PTPRH: variants seen among roughly 807,000 people sequenced by gnomAD.
PTPRH encodes the protein receptor-type tyrosine-protein phosphatase H.
Under a neutral mutation model 130.2 loss-of-function variants are expected in PTPRH, and 113 were observed. The ratio of observed to expected loss-of-function variants is 0.87; its 90% confidence interval spans 0.75 to 1.01. PTPRH has a LOEUF of 1.01. Among genes scored for constraint, PTPRH ranks in the 50% least tolerant of loss-of-function variants. The probability of loss-of-function intolerance (pLI) is 0.00; values close to 1 mark genes in which losing one functional copy is unlikely to be tolerated. For missense variants in PTPRH, 1,430 were observed against 1,425.0 expected (o/e 1.00, Z -0.06); for synonymous variants, 556 against 577.9 (o/e 0.96, Z 0.54).
At chr19:55,194,005 C>T (rs915695751) in intron 10 of PTPRH, 13 of 418,552 alleles carry the variant, frequency 3.1e-5, no homozygotes, top group South Asian at 6.1e-5. Flanking sequence ...CGCGCCACCA[C>T]GCCCAGCTAA....
Position 55,200,303 on chromosome 19 carries a change from G to T in PTPRH, c.1353C>A (p.Tyr451Ter). The T allele has an allele frequency of 6.2e-7, 1 of 1,614,188 alleles. No individual in the cohort carries two copies. Among genetic ancestry groups the T allele is most frequent in the South Asian group, 1.1e-5 (1 of 91,082 alleles). Reference protein sequence around the residue: ...TAERLEPGTLYTFSVWAEKNG... With the variant: ...TAERLEPGTL ...TTTTTTCTGCCCATACAGAGAATGT[G>T]TACAAGGTTCCGGGCTCAAGTCTCT... is the stretch of plus-strand genomic sequence containing the variant. The change falls in exon 7 of 20, where the codon TAC becomes TAA. Residue 451 changes from tyrosine to a stop codon, truncating the protein, a stop_gained. Coordinates refer to ENST00000376350, the MANE Select transcript of PTPRH (RefSeq NM_002842.5). LOFTEE classifies it high-confidence loss of function.
Position 55,207,373 on chromosome 19 carries a change from G to T in PTPRH, c.52-174C>A. 6.1e-6 allele frequency: 4 copies of T among 654,164 alleles called. No homozygotes were observed. The South Asian group carries it at 8.0e-5, about 13-fold the overall frequency. 40.5% of individuals were successfully genotyped at this position (654,164 alleles called of 1,614,324 possible). On this transcript the variant is annotated intron_variant, in intron 1 of 19. Transcript: ENST00000376350. The stretch of plus-strand genomic sequence containing the variant: ...CCTCGACCGTCTTTCCTGGGTCGAG[G>T]AGAGAAGGGGGAGCATGGCAGGAGC...
At position 55,191,554 on chromosome 19, in the gene PTPRH, A is replaced by G. The variant is rs1417542888; in HGVS notation, c.2337-6T>C. ...TCTGCTGCTTCTTCTTATTCCTGGG[A>G]AAAGGACGTTAGGATGAGAGGCTCA... On this transcript the variant is annotated splice_region_variant and splice_polypyrimidine_tract_variant and intron_variant, in intron 11 of 19. Coordinates refer to ENST00000376350, the MANE Select transcript of PTPRH (RefSeq NM_002842.5). 1.2e-6 allele frequency: 2 copies of G among 1,613,848 alleles called. No homozygotes were observed. Among genetic ancestry groups the G allele is most frequent in the African/African-American group, 2.7e-5 (2 of 74,904 alleles).
rs1300744573 is a variant in PTPRH, at chr19:55,200,045, T to C, written c.1420+191A>G. On this transcript the variant is annotated intron_variant, in intron 7 of 19. Coordinates refer to ENST00000376350, the MANE Select transcript of PTPRH (RefSeq NM_002842.5). ...AGCCCCACACTCAGCGGGAGAAGTCTGGATGGGCTCTCTTCTTCCTCAGGG... is the reference window on the plus strand; with the variant it reads ...AGCCCCACACTCAGCGGGAGAAGTCCGGATGGGCTCTCTTCTTCCTCAGGG... Among the ~76,000 whole-genome samples, 3 of 152,184 alleles carry C rather than the reference T, an allele frequency of 2.0e-5. No individual in the cohort carries two copies. In the East Asian group the frequency reaches 5.8e-4, roughly 29 times the overall value.
chr19:55,196,374 G>T, intron 10 of PTPRH, 148 bp downstream of exon 10: 1 of 1,133,588 alleles, frequency 8.8e-7, no homozygotes, highest in Non-Finnish European at 1.2e-6. Flanking sequence ...GACAAGAAGA[G>T]CAAAACTCCA....
chr19:55,188,682 G>A (rs907968648), intron 12 of PTPRH, among the ~76,000 whole-genome samples: 3 of 151,986 alleles, frequency 2.0e-5, no homozygotes, highest in South Asian at 2.1e-4. Flanking sequence ...CAAAATCGTC[G>A]TGGCCTCCCT....
Position 55,186,076 on chromosome 19 carries a change from C to T in PTPRH, c.2779-92G>A, listed in dbSNP as rs1161092153. On this transcript the variant is annotated intron_variant, in intron 16 of 19. Transcript: ENST00000376350. Reference sequence around the variant, plus strand: ...CCCCAAATGTGAACCAGCAGATGGGCTGGGGGGAGAGTGGGGAACAGGTCT... The same window carrying T: ...CCCCAAATGTGAACCAGCAGATGGGTTGGGGGGAGAGTGGGGAACAGGTCT... The T allele has an allele frequency of 5.0e-6, 8 of 1,599,150 alleles. No individual in the cohort carries two copies. The East Asian group carries it at 1.8e-4, about 36-fold the overall frequency.
Position 55,205,468 on chromosome 19 carries a change from A to G in PTPRH, c.477T>C (p.Asp159=). 1 of 1,614,156 alleles carries G rather than the reference A, an allele frequency of 6.2e-7. No homozygotes were observed. Among genetic ancestry groups the G allele is most frequent in the Non-Finnish European group, 8.5e-7 (1 of 1,180,032 alleles). The change falls in exon 4 of 20, where the codon GAT becomes GAC. Residue 159 remains aspartate, a synonymous_variant. Transcript: ENST00000376350. ...NSTYGVEYTG[D]GGRAGTRSTA... ...TGCTTCGAGTCCCTGCTCTGCCACC[A>G]TCTCCAGTGTACTCAACCCCGTAGG...
At chr19:55,198,138 G>A (rs1192757201) in intron 8 of PTPRH, among the ~76,000 whole-genome samples, 2 of 152,114 alleles carry the variant, frequency 1.3e-5, no homozygotes, top group Non-Finnish European at 2.9e-5. Context: ...AATCAGTTGA[G>A]CCCAGGAGGT....
chr19:55,206,060 C>T (rs1180427681), intron 3 of PTPRH, among the ~76,000 whole-genome samples: 1 of 152,046 alleles, frequency 6.6e-6, no homozygotes, highest in African/African-American at 2.4e-5. Flanking sequence ...TGGCGAAACC[C>T]AGTCTCTACT....
At chr19:55,181,948 G>A (rs2086186534) in intron 19 of PTPRH, 45 bp from the exon 20 acceptor site, 2 of 1,613,816 alleles carry the variant, frequency 1.2e-6, no homozygotes, top group African/African-American at 2.7e-5. Context: ...CCAGGTCTGA[G>A]CTGCGTGGAG....
At chr19:55,202,369 C>T in intron 5 of PTPRH, 47 bp from the exon 6 acceptor site, 1 of 1,604,342 alleles carries the variant, frequency 6.2e-7, no homozygotes. Flanking sequence ...TTCTGGCCCT[C>T]AAACTTTCCA....
chr19:55,183,473 CAGCACTTTGGG>C (rs2086234695), intron 18 of PTPRH, among the ~76,000 whole-genome samples: 1 of 152,108 alleles, frequency 6.6e-6, no homozygotes, highest in South Asian at 2.1e-4. Flanking sequence ...CCTGTAATCC[CAGCACTTTGGG>C]AGGCTGAAGC....
At position 55,198,673 on chromosome 19, in the gene PTPRH, C is replaced by T. The variant is rs772180291; in HGVS notation, c.1660G>A (p.Gly554Ser). The change falls in exon 8 of 20, where the codon GGC becomes AGC. Residue 554 changes from glycine to serine, a missense_variant. Physicochemically the swap from Gly to Ser is moderately conservative, Grantham distance 56. Transcript: ENST00000376350. ...TVWAERNEVRGYNSTLTAATA... is the reference protein window; with the variant it reads ...TVWAERNEVRSYNSTLTAATA... The stretch of plus-strand genomic sequence containing the variant: ...GCTGCAGTGAGGGTGCTGTTATAGC[C>T]TCTGACCTCATTCCTCTCGGCCCAG... The T allele has an allele frequency of 8.1e-6, 13 of 1,613,068 alleles. No individual in the cohort carries two copies. The highest frequency in any genetic ancestry group is 1.0e-5 in the Non-Finnish European group (12 of 1,179,460).
intron 9 of PTPRH, 134 bp downstream of exon 9, chr19:55,196,983 G>T: frequency 8.0e-7 from 1 of 1,253,164 alleles, no homozygotes; most frequent in Non-Finnish European, 1.1e-6. Context: ...TGAGGCCTTG[G>T]GCTCCTCCAT....
In PTPRH at chr19:55,191,526, G is replaced by C; in HGVS notation, c.2359C>G (p.Pro787Ala). The C allele has an allele frequency of 6.2e-7, 1 of 1,614,164 alleles. No homozygotes were observed. Among genetic ancestry groups the C allele is most frequent in the Non-Finnish European group, 8.5e-7 (1 of 1,180,034 alleles). Residue 787 changes from proline (P) to alanine (A), a missense_variant, in exon 12 of 20, where the codon CCA (proline) becomes GCA (alanine). Transcript: ENST00000376350. ...KRRNKKKQQKPELRDLVFSSP... is the reference protein window; with the variant it reads ...KRRNKKKQQKAELRDLVFSSP... The stretch of plus-strand genomic sequence containing the variant: ...CTAAAGACCAGATCCCTGAGTTCTG[G>C]TTTCTGCTGCTTCTTCTTATTCCTG...
chr19:55,181,961 C>G (rs1397392483), intron 19 of PTPRH, 55 bp downstream of exon 19: 1 of 1,613,556 alleles, frequency 6.2e-7, no homozygotes, highest in Admixed American at 1.7e-5. Context: ...GCGTGGAGCC[C>G]CAGGGTCCCT....
In PTPRH at chr19:55,206,878, C is replaced by T; in HGVS notation, c.163G>A (p.Gly55Ser). Residue 55 changes from glycine (G) to serine (S), a missense_variant, in exon 3 of 20, where the codon GGC (glycine) becomes AGC (serine). Transcript: ENST00000376350. Reference sequence around the variant, plus strand: ...TAGTTGGAGTTCTGTGAGTCTAGGCCATCGGGGACCTCCCAGCTCAGGGAG... The same window carrying T: ...TAGTTGGAGTTCTGTGAGTCTAGGCTATCGGGGACCTCCCAGCTCAGGGAG... ...SISLSWEVPD[G>S]LDSQNSNYWV... is the part of the protein sequence containing the mutation. The T allele has an allele frequency of 6.2e-7, 1 of 1,613,890 alleles. No individual in the cohort carries two copies. The highest frequency in any genetic ancestry group is 1.1e-5 in the South Asian group (1 of 91,062).
At chr19:55,194,347 G>A (rs1454897568) in intron 10 of PTPRH, 3 of 1,242,798 alleles carry the variant, frequency 2.4e-6, no homozygotes, top group Non-Finnish European at 3.1e-6. Context: ...CTTACAACCT[G>A]TACGGGAGAC....
Sources: gnomAD v4.1 joint callset for allele counts (sites outside exome capture counted in the v4.1 genomes callset) on GRCh38, gnomAD v4.1.1 for gene constraint, MANE v1.5 for transcripts, NCBI Gene and HGNC (gene_info 2026-07-23, HGNC 2026-07-21) for gene names.